The following COL14A1 variants were observed in gnomAD, a reference collection of about 807,000 sequenced individuals.
The protein encoded by COL14A1 is collagen alpha-1(XIV) chain.
COL14A1 carries 136 observed loss-of-function variants against 230.3 expected under a neutral mutation model. The ratio of observed to expected loss-of-function variants is 0.59; its 90% confidence interval spans 0.51 to 0.68. COL14A1 has a LOEUF of 0.68. Among genes scored for constraint, COL14A1 ranks in the 30% least tolerant of loss-of-function variants. The pLI, the probability that COL14A1 is intolerant of heterozygous loss-of-function variation, is 0.00. For synonymous variants in COL14A1, 792 were observed against 784.1 expected, an observed-to-expected ratio of 1.01 and a Z score of -0.17; for missense variants, 1,976 against 2,215.8, an observed-to-expected ratio of 0.89 and a Z score of 2.17.
intron 5 of COL14A1, among the ~76,000 whole-genome samples, chr8:120,173,365 A>G (rs546459225): frequency 6.6e-6 from 1 of 152,098 alleles, no homozygotes; most frequent in Admixed American, 6.6e-5. Context: ...CACAAACTTT[A>G]CATTCTGAGC....
intron 5 of COL14A1, among the ~76,000 whole-genome samples, chr8:120,174,083 G>A (rs889375449): frequency 6.6e-6 from 1 of 152,160 alleles, no homozygotes; most frequent in African/African-American, 2.4e-5. Context: ...ACAAAAGGAT[G>A]ACACTGAAAA....
At chr8:120,229,758 T>A (rs1818210959) in intron 18 of COL14A1, among the ~76,000 whole-genome samples, 2 of 152,200 alleles carry the variant, frequency 1.3e-5, no homozygotes, top group Admixed American at 6.5e-5. Flanking sequence ...TTTCTCCACA[T>A]CCTCTCCAGC....
intron 32 of COL14A1, among the ~76,000 whole-genome samples, chr8:120,285,185 G>T (rs1481814417): frequency 2.0e-5 from 3 of 151,564 alleles, no homozygotes; most frequent in African/African-American, 7.3e-5. Flanking sequence ...CAGGCACGGT[G>T]GCTCACGCCT....
chr8:120,332,977 T>C (rs1301708617), intron 42 of COL14A1, among the ~76,000 whole-genome samples: 1 of 152,254 alleles, frequency 6.6e-6, no homozygotes, highest in Non-Finnish European at 1.5e-5. Flanking sequence ...CTTATATGTT[T>C]CTATTGCTTG....
chr8:120,294,272 C>T (rs1038525783), intron 34 of COL14A1, among the ~76,000 whole-genome samples: 1 of 151,720 alleles, frequency 6.6e-6, no homozygotes, highest in Admixed American at 6.6e-5. Flanking sequence ...ATATTTTAAT[C>T]TTATTTTCCT....
intron 26 of COL14A1, among the ~76,000 whole-genome samples, chr8:120,271,604 G>T (rs1416841695): frequency 6.6e-6 from 1 of 151,640 alleles, no homozygotes; most frequent in African/African-American, 2.4e-5. Flanking sequence ...CAGACTTAAA[G>T]ATCTGAGAAT....
At chr8:120,184,331 C>T (rs950556626) in intron 5 of COL14A1, among the ~76,000 whole-genome samples, 13 of 151,144 alleles carry the variant, frequency 8.6e-5, no homozygotes, top group African/African-American at 1.9e-4. Flanking sequence ...CTTTGCTCAC[C>T]GCAACCTCTG....
chr8:120,303,249 C>A (rs1160078487), intron 36 of COL14A1, among the ~76,000 whole-genome samples: 1 of 152,118 alleles, frequency 6.6e-6, no homozygotes, highest in Non-Finnish European at 1.5e-5. Flanking sequence ...TGCCTGATTG[C>A]ACTGGCCAGG....
At chr8:120,204,023 T>A (rs1817346867) in intron 9 of COL14A1, among the ~76,000 whole-genome samples, 153 bp downstream of exon 9, 1 of 152,118 alleles carries the variant, frequency 6.6e-6, no homozygotes, top group Non-Finnish European at 1.5e-5. Context: ...AAAGGGAGTA[T>A]ATTAGCAGGC....
chr8:120,218,563 G>A (rs1207653482), intron 14 of COL14A1, among the ~76,000 whole-genome samples: 3 of 152,124 alleles, frequency 2.0e-5, no homozygotes, highest in Non-Finnish European at 4.4e-5. Flanking sequence ...GCCCGCCTAG[G>A]CCTCCCAAAG....
In COL14A1 at chr8:120,168,189, A is replaced by G. The variant is rs1815974504; in HGVS notation, c.378A>G (p.Pro126=). Residue 126 remains proline, a synonymous_variant, in exon 5 of 48, where the codon CCA becomes CCG. Coordinates refer to ENST00000297848, the MANE Select transcript of COL14A1 (RefSeq NM_021110.4). ...AAGATTTAGAAAAAAGAAAGGATCC[A>G]AAGCCCAGAGTCAAAGTTGTGGACA... ...RIKDLEKRKD[P]KPRVKVVDRG... is the part of the protein sequence containing the mutation. 2.5e-6 allele frequency: 4 copies of G among 1,612,786 alleles called. No homozygotes were observed. Among genetic ancestry groups the G allele is most frequent in the Admixed American group, 1.7e-5 (1 of 59,934 alleles).
chr8:120,294,722 A>G (rs2129989333), intron 34 of COL14A1, among the ~76,000 whole-genome samples: 1 of 151,856 alleles, frequency 6.6e-6, no homozygotes, highest in East Asian at 1.9e-4. Flanking sequence ...CTTGGAAAAA[A>G]AAAGTCCCTA....
chr8:120,295,457 G>A (rs763987751), intron 34 of COL14A1, among the ~76,000 whole-genome samples: 9 of 151,810 alleles, frequency 5.9e-5, no homozygotes, highest in Non-Finnish European at 1.2e-4. Context: ...AAGATGTAAA[G>A]ATATATGCAA....
chr8:120,168,085 G>A (rs1160318434), intron 4 of COL14A1, 76 bp from the exon 5 acceptor site: 1 of 1,024,724 alleles, frequency 9.8e-7, no homozygotes, highest in African/African-American at 1.6e-5. Flanking sequence ...GCTTTCAAGG[G>A]TTTTAGTAAA....
chr8:120,182,782 A>C (rs1051635378), intron 5 of COL14A1, among the ~76,000 whole-genome samples: 3 of 142,396 alleles, frequency 2.1e-5, no homozygotes, highest in Non-Finnish European at 3.0e-5. Flanking sequence ...GCTAAAGTGC[A>C]ATGGCGTGAT....
chr8:120,211,286 G>A (rs1817609791), intron 12 of COL14A1, among the ~76,000 whole-genome samples: 1 of 152,108 alleles, frequency 6.6e-6, no homozygotes, highest in Non-Finnish European at 1.5e-5. Context: ...TATATTTATA[G>A]AAAAGAATAT....
At chr8:120,340,506 T>A (rs1226097012) in intron 42 of COL14A1, among the ~76,000 whole-genome samples, 1 of 152,206 alleles carries the variant, frequency 6.6e-6, no homozygotes, top group Non-Finnish European at 1.5e-5. Flanking sequence ...CAAATTCCAT[T>A]AATGAATTCC....
chr8:120,234,664 G>T lies in COL14A1; in HGVS notation c.2349+3046G>T, dbSNP rs145787466. Reference sequence around the variant, plus strand: ...AGCCTTGCATCCCAGGGATGAAGCCGCCTTGATTGTGGTGGATAAGCTTTT... The same window carrying T: ...AGCCTTGCATCCCAGGGATGAAGCCTCCTTGATTGTGGTGGATAAGCTTTT... On this transcript the variant is annotated intron_variant, in intron 19 of 47. Transcript: ENST00000297848. Among the ~76,000 whole-genome samples, 48 of 152,114 alleles carry T rather than the reference G, an allele frequency of 3.2e-4. No homozygotes were observed. The East Asian group carries it at 6.9e-3, about 22-fold the overall frequency.
intron 14 of COL14A1, among the ~76,000 whole-genome samples, chr8:120,221,731 A>G (rs916972026): frequency 5.3e-5 from 8 of 152,196 alleles, no homozygotes; most frequent in African/African-American, 1.9e-4. Flanking sequence ...GCCTAACTAG[A>G]CATTCCAGTT....
Sources: allele counts gnomAD v4.1 joint callset (sites outside exome capture counted in the v4.1 genomes callset), GRCh38; gene constraint gnomAD v4.1.1; transcripts MANE v1.5; gene names NCBI Gene and HGNC (gene_info 2026-07-23, HGNC 2026-07-21).